NOTCH3: variants seen among roughly 807,000 people sequenced by gnomAD.
NOTCH3 encodes the protein notch receptor 3.
NOTCH3 carries 86 observed loss-of-function variants against 213.3 expected under a neutral mutation model. That is an observed-to-expected ratio of 0.40 (90% CI 0.34 to 0.48). The LOEUF is 0.48. NOTCH3 is among the 20% of genes least tolerant of loss of function. The probability of loss-of-function intolerance (pLI) is 0.57; values close to 1 mark genes in which losing one functional copy is unlikely to be tolerated. For missense variants in NOTCH3, 2,783 were observed against 3,272.6 expected (o/e 0.85, Z 3.65); for synonymous variants, 1,354 against 1,355.9 (o/e 1.00, Z 0.03).
intron 2 of NOTCH3, 59 bp downstream of exon 2, chr19:15,197,441 G>GCGCCCCCCCCCCCC: frequency 6.5e-6 from 5 of 768,362 alleles, no homozygotes; most frequent in East Asian, 2.7e-5. Flanking sequence ...AAGACAAATC[G>GCGCCCCCCCCCCCC]CCCCTCCCCC....
At chr19:15,173,092 CTTCTTCTTCTTCTTTTTTTTTTTTTTTTT>C (rs2046751497) in intron 25 of NOTCH3, among the ~76,000 whole-genome samples, 2 of 41,990 alleles carry the variant, frequency 4.8e-5, no homozygotes, top group African/African-American at 1.8e-4. Flanking sequence ...TCTTCTTCTT[CTTCTTCTTCTTCTTTTTTTTTTTTTTTTT>C]TTTTTTTAAG....
chr19:15,174,424 G>C, intron 24 of NOTCH3, 24 bp from the exon 25 acceptor site: 1 of 1,491,634 alleles, frequency 6.7e-7, no homozygotes, highest in Non-Finnish European at 9.0e-7. Context: ...GTGAGGCAGA[G>C]AGGGGCGGAG....
rs1177587235 is a variant in NOTCH3 at position 15,179,288 on chromosome 19, G to A, written c.3461-6C>T. On this transcript the variant is annotated splice_region_variant and splice_polypyrimidine_tract_variant and intron_variant, in intron 21 of 32. Transcript: ENST00000263388. ...ATTAATCTCGCAGAGCACCCCTGGGGGAAGAAACGAGGGGTGGTCAAGAGG... is the reference window on the plus strand; with the variant it reads ...ATTAATCTCGCAGAGCACCCCTGGGAGAAGAAACGAGGGGTGGTCAAGAGG... The A allele has an allele frequency of 4.3e-6, 7 of 1,611,372 alleles. No homozygotes were observed. Among genetic ancestry groups the A allele is most frequent in the Non-Finnish European group, 5.9e-6 (7 of 1,178,292 alleles).
At chr19:15,175,323 A>T (rs1249762379) in intron 24 of NOTCH3, among the ~76,000 whole-genome samples, 12 of 102,258 alleles carry the variant, frequency 1.2e-4, no homozygotes, top group African/African-American at 2.6e-4. Flanking sequence ...ACCTGAGGTC[A>T]GGAGTTCTAG....
intron 2 of NOTCH3, among the ~76,000 whole-genome samples, chr19:15,196,234 T>A (rs2046969579): frequency 6.6e-6 from 1 of 152,028 alleles, no homozygotes; most frequent in African/African-American, 2.4e-5. Flanking sequence ...AGCCGCGGGC[T>A]CATTCACCTG....
chr19:15,171,842 G>C (rs2145404028), intron 25 of NOTCH3, among the ~76,000 whole-genome samples: 1 of 151,506 alleles, frequency 6.6e-6, no homozygotes, highest in African/African-American at 2.4e-5. Context: ...GGTAATTTTT[G>C]TATTTTTAGT....
At chr19:15,184,804 A>C (rs529591016) in intron 15 of NOTCH3, 102 bp downstream of exon 15, 70 of 709,652 alleles carry the variant, frequency 9.9e-5, no homozygotes, top group Non-Finnish European at 1.6e-4. Flanking sequence ...TCTCAAAGGC[A>C]GGGCTGGGGA....
intron 8 of NOTCH3, 102 bp downstream of exon 8, chr19:15,188,887 T>C: frequency 8.0e-7 from 1 of 1,242,776 alleles, no homozygotes; most frequent in Non-Finnish European, 1.1e-6. Context: ...AGGGTCCCAC[T>C]CCAAACCCAC....
At chr19:15,167,516 T>C in intron 28 of NOTCH3, 105 bp from the exon 29 acceptor site, 3 of 973,636 alleles carry the variant, frequency 3.1e-6, no homozygotes, top group Non-Finnish European at 4.7e-6. Context: ...CTTTAGGAGA[T>C]ACACACAGAG....
At chr19:15,184,509 G>A in intron 15 of NOTCH3, 59 bp from the exon 16 acceptor site, 1 of 1,554,968 alleles carries the variant, frequency 6.4e-7, no homozygotes, top group South Asian at 1.1e-5. Context: ...GGGTCTCAGG[G>A]ACCTGGGGCT....
rs1376158768 is a variant in NOTCH3, at chr19:15,191,448, A to G, written c.1012T>C (p.Cys338Arg). The part of the protein sequence containing the change: ...TCHDRVASFY[C>R]ACPMGKTGLL... ...CCAGTCTTGCCCATGGGGCAGGCACAGTAGAAAGAAGCCACGCGGTCATGG... is the reference window on the plus strand; with the variant it reads ...CCAGTCTTGCCCATGGGGCAGGCACGGTAGAAAGAAGCCACGCGGTCATGG... Residue 338 changes from cysteine (C) to arginine (R), a missense_variant, in exon 6 of 33, where the codon TGT becomes CGT. By Grantham distance (180) the Cys-to-Arg change is radical. Around this residue, in one of 6 missense-constraint regions of NOTCH3, gnomAD observed 708 missense variants for 906.6 expected, o/e 0.78. Coordinates refer to ENST00000263388, the MANE Select transcript of NOTCH3 (RefSeq NM_000435.3). 1 of 1,613,456 alleles carries G rather than the reference A, an allele frequency of 6.2e-7. No individual in the cohort carries two copies.
intron 1 of NOTCH3, among the ~76,000 whole-genome samples, chr19:15,200,223 G>A (rs1010048320): frequency 6.6e-6 from 1 of 151,552 alleles, no homozygotes; most frequent in African/African-American, 2.4e-5. Context: ...GGCGGGGGAG[G>A]GGGCGCGCGC....
chr19:15,195,810 G>C (rs1335347424), intron 2 of NOTCH3, among the ~76,000 whole-genome samples: 2 of 151,634 alleles, frequency 1.3e-5, no homozygotes, highest in African/African-American at 4.8e-5. Context: ...CCGACGCCCC[G>C]GGCGGGTTCC....
chr19:15,176,159 A>ATTTTTT (rs34620350), intron 24 of NOTCH3, among the ~76,000 whole-genome samples: 1 of 119,980 alleles, frequency 8.3e-6, no homozygotes. Flanking sequence ...AACAAAAGCA[A>ATTTTTT]TTTTTTTTTT....
rs1467253980 is a variant in NOTCH3 at position 15,197,462 on chromosome 19, A to T, written c.197+38T>A. On this transcript the variant is annotated intron_variant, in intron 2 of 32. Coordinates refer to ENST00000263388, the MANE Select transcript of NOTCH3 (RefSeq NM_000435.3). ...AATCGCCCCTCCCCCCCGCCCCCAC[A>T]CACAGGGCCCACTGGTGGCTCTGAG... 4.8e-6 allele frequency: 3 copies of T among 623,588 alleles called. No individual in the cohort carries two copies. In the African/African-American group the frequency reaches 7.3e-5, roughly 15 times the overall value. The allele number at this position is 623,588 out of a possible 1,614,324, so 38.6% of individuals were successfully genotyped here. A position where few individuals can be genotyped will look rare whatever the true frequency, so the allele number is the denominator to read the frequency against.
At chr19:15,200,221 A>C (rs1019998277) in intron 1 of NOTCH3, among the ~76,000 whole-genome samples, 1 of 104,102 alleles carries the variant, frequency 9.6e-6, no homozygotes, top group Non-Finnish European at 2.0e-5. Context: ...CGGGCGGGGG[A>C]GGGGGCGCGC....
chr19:15,173,045 C>CCTCCTCCG (rs375420994), intron 25 of NOTCH3, among the ~76,000 whole-genome samples: 1 of 25,746 alleles, frequency 3.9e-5, no homozygotes, highest in Admixed American at 3.4e-4. Flanking sequence ...CCCTCCCCCT[C>CCTCCTCCG]CCTCCTCCCT....
rs2046872807 is a variant in NOTCH3 at position 15,185,373 on chromosome 19, G to A, written c.2180C>T (p.Pro727Leu). Residue 727 changes from proline to leucine, a missense_variant, in exon 14 of 33, where the codon CCC becomes CTC. Coordinates refer to ENST00000263388, the MANE Select transcript of NOTCH3 (RefSeq NM_000435.3). This position sits in a 1 kb window ranked among gnomAD's most constrained non-coding sequence, Gnocchi z 4.2. ...RCVCEPGWSG[P>L]RCSQSLARDA... ...TCGGGCCAGGCTCTGGCTGCAGCGG[G>A]GGCCACTCCAGCCAGGCTCACACAC... The A allele has an allele frequency of 1.2e-6, 2 of 1,612,378 alleles. No individual in the cohort carries two copies. Among genetic ancestry groups the A allele is most frequent in the Non-Finnish European group, 8.5e-7 (1 of 1,179,706 alleles).
intron 23 of NOTCH3, chr19:15,178,529 C>T: frequency 2.1e-6 from 1 of 482,836 alleles, no homozygotes; most frequent in Non-Finnish European, 3.8e-6. Flanking sequence ...GGATTACAGG[C>T]AGCTGCCACT....
Sources: gnomAD v4.1 joint callset for allele counts (sites outside exome capture counted in the v4.1 genomes callset) on GRCh38, gnomAD v4.1.1 for gene constraint, gnomAD v4.1.1 regional missense constraint, Gnocchi (gnomAD v3.1) non-coding constraint, MANE v1.5 for transcripts, NCBI Gene and HGNC (gene_info 2026-07-23, HGNC 2026-07-21) for gene names.